The following KCTD1 variants were observed in gnomAD, a reference collection of about 807,000 sequenced individuals.
KCTD1 encodes the protein BTB/POZ domain-containing protein KCTD1.
Under a neutral mutation model 66.0 loss-of-function variants are expected in KCTD1, and 24 were observed. That is an observed-to-expected ratio of 0.36 (90% CI 0.26 to 0.51). The LOEUF (loss-of-function observed/expected upper bound fraction) is 0.51, where lower values mean the gene tolerates loss of function less well. KCTD1 is among the 20% of genes least tolerant of loss of function. KCTD1 has a pLI of 0.95. For missense variants in KCTD1, 943 were observed against 1,205.2 expected (o/e 0.78, Z 3.22); for synonymous variants, 511 against 517.2 (o/e 0.99, Z 0.16).
chr18:26,569,160 C>T (rs1211501858), intron 1 of KCTD1, among the ~76,000 whole-genome samples: 2 of 151,890 alleles, frequency 1.3e-5, no homozygotes, highest in Non-Finnish European at 2.9e-5. Context: ...AACTTCACAA[C>T]AAAAAAATGA....
intron 1 of KCTD1, among the ~76,000 whole-genome samples, chr18:26,522,063 C>T (rs1983938837): frequency 6.6e-6 from 1 of 152,216 alleles, no homozygotes; most frequent in Admixed American, 6.5e-5. Context: ...TCCTCTTGCA[C>T]GTTCTTCCAG....
At chr18:26,599,504 A>G in intron 1 of KCTD1, 1 of 1,596,578 alleles carries the variant, frequency 6.3e-7, no homozygotes, top group Non-Finnish European at 8.6e-7. Context: ...ATGAGCTTCA[A>G]GGTTAACTGG....
intron 2 of KCTD1, among the ~76,000 whole-genome samples, chr18:26,496,185 C>T (rs1982461747): frequency 6.6e-6 from 1 of 152,092 alleles, no homozygotes; most frequent in African/African-American, 2.4e-5. Flanking sequence ...ATCAGGTCTG[C>T]CCTTAAAATT....
At chr18:26,651,474 G>A (rs558438803) in intron 1 of KCTD1, among the ~76,000 whole-genome samples, 4 of 152,248 alleles carry the variant, frequency 2.6e-5, no homozygotes, top group Admixed American at 2.6e-4. Flanking sequence ...TGATGGAAGA[G>A]TCTGAGATCT....
chr18:26,549,263 G>A, upstream of KCTD1: 1 of 985,806 alleles, frequency 1.0e-6, no homozygotes, highest in South Asian at 4.6e-5. Flanking sequence ...GCGAGGCGCG[G>A]GGGCCTGGGG....
At chr18:26,507,688 T>C (rs1393164156) in intron 1 of KCTD1, among the ~76,000 whole-genome samples, 1 of 152,140 alleles carries the variant, frequency 6.6e-6, no homozygotes, top group African/African-American at 2.4e-5. Flanking sequence ...CTCCCTTCTT[T>C]ACTGACACTA....
At chr18:26,598,569 C>G (rs1271724979) in intron 1 of KCTD1, among the ~76,000 whole-genome samples, 1 of 151,926 alleles carries the variant, frequency 6.6e-6, no homozygotes, top group African/African-American at 2.4e-5. Context: ...TGAGGGACTT[C>G]AAAATTGTTT....
At chr18:26,467,412 G>A (rs1980799397) in intron 3 of KCTD1, among the ~76,000 whole-genome samples, 1 of 152,122 alleles carries the variant, frequency 6.6e-6, no homozygotes, top group East Asian at 1.9e-4. Context: ...GCTACTTCGG[G>A]GGCGCTGAGC....
chr18:26,465,402 A>C lies in KCTD1; in HGVS notation c.2134-5477T>G, dbSNP rs1980673359. Among the ~76,000 whole-genome samples the C allele has an allele frequency of 2.0e-5, 3 of 152,010 alleles. No homozygotes were observed. In the South Asian group the frequency reaches 6.2e-4, roughly 32 times the overall value. On this transcript the variant is annotated intron_variant, in intron 3 of 4. Coordinates refer to ENST00000580059, the MANE Select transcript of KCTD1 (RefSeq NM_001142730.3). ...CCCGGCCCATTCTTTCTTTTCTTCA[A>C]AGCCTGGAGGGACTGGCCCACGTGC...
intron 3 of KCTD1, among the ~76,000 whole-genome samples, chr18:26,461,858 G>A (rs1424699946): frequency 6.6e-6 from 1 of 152,230 alleles, no homozygotes; most frequent in African/African-American, 2.4e-5. Context: ...GTTCACGCCT[G>A]TAATCCCAGC....
At chr18:26,651,783 C>CAAAAA (rs397858862) in intron 1 of KCTD1, among the ~76,000 whole-genome samples, 1 of 75,266 alleles carries the variant, frequency 1.3e-5, no homozygotes, top group African/African-American at 4.8e-5. Flanking sequence ...AACTCGGTCT[C>CAAAAA]AAAAAAAAAA....
intron 1 of KCTD1, among the ~76,000 whole-genome samples, chr18:26,615,948 G>A (rs754494543): frequency 2.0e-5 from 3 of 151,772 alleles, no homozygotes; most frequent in Non-Finnish European, 2.9e-5. Flanking sequence ...CCGCCACCAC[G>A]CCCTGCTAAT....
At chr18:26,607,966 T>C (rs1427630313) in intron 1 of KCTD1, among the ~76,000 whole-genome samples, 3 of 152,134 alleles carry the variant, frequency 2.0e-5, no homozygotes, top group Non-Finnish European at 4.4e-5. Context: ...AGTTGGGGTC[T>C]CACTATGTTG....
At chr18:26,611,884 A>G (rs540052653) in intron 1 of KCTD1, among the ~76,000 whole-genome samples, 107 of 152,306 alleles carry the variant, frequency 7.0e-4, no homozygotes, top group Non-Finnish European at 1.1e-3. Flanking sequence ...ACTTGGAAAC[A>G]GTTCGATCTT....
chr18:26,482,508 G>C (rs1258465850), intron 2 of KCTD1, among the ~76,000 whole-genome samples: 1 of 151,796 alleles, frequency 6.6e-6, no homozygotes, highest in African/African-American at 2.4e-5. Context: ...ATTATGTGCT[G>C]TGTCCCTACA....
chr18:26,547,489 A>T lies in KCTD1; in HGVS notation c.1048T>A (p.Ser350Thr). Residue 350 changes from serine to threonine, a missense_variant, in exon 1 of 5, where the codon TCC becomes ACC. This residue lies in a region of KCTD1 where 66 missense variants were observed against 61.6 expected (regional missense o/e 1.07). Coordinates refer to ENST00000580059, the MANE Select transcript of KCTD1 (RefSeq NM_001142730.3). ...CGCGACTTGTGGTAGGGCCCGAGGG[A>T]CTTGAAGTAGACGAACTTGCGACCG... ...EDGRKFVYFK[S>T]LGPYHKSRSS... The T allele has an allele frequency of 1.3e-6, 2 of 1,551,430 alleles. No homozygotes were observed. The highest frequency in any genetic ancestry group is 8.7e-7 in the Non-Finnish European group (1 of 1,146,984).
chr18:26,649,488 G>A (rs1318133605), intron 1 of KCTD1, among the ~76,000 whole-genome samples: 2 of 152,164 alleles, frequency 1.3e-5, no homozygotes, highest in African/African-American at 4.8e-5. Context: ...TTCGGTGAAG[G>A]AGCAAAGACA....
intron 1 of KCTD1, among the ~76,000 whole-genome samples, chr18:26,510,402 C>A (rs1189894880): frequency 1.3e-5 from 2 of 152,112 alleles, no homozygotes; most frequent in African/African-American, 2.4e-5. Context: ...TTCAAAATGA[C>A]CAGGGACTGT....
At chr18:26,499,326 G>C (rs16942370) in intron 2 of KCTD1, among the ~76,000 whole-genome samples, 3,362 of 152,190 alleles carry the variant, frequency 0.022, 106 homozygotes, top group African/African-American at 0.077. Flanking sequence ...TTTTCAAAAA[G>C]AACACTACTT....
Sources: gnomAD v4.1 joint callset for allele counts (sites outside exome capture counted in the v4.1 genomes callset) on GRCh38, gnomAD v4.1.1 for gene constraint, gnomAD v4.1.1 regional missense constraint, MANE v1.5 for transcripts, NCBI Gene and HGNC (gene_info 2026-07-23, HGNC 2026-07-21) for gene names.